TBC1D32: variants seen among roughly 807,000 people sequenced by gnomAD.
The protein encoded by TBC1D32 is protein broad-minded.
TBC1D32 carries 151 observed loss-of-function variants against 170.3 expected under a neutral mutation model. That is an observed-to-expected ratio of 0.89 (90% CI 0.78 to 1.01). The LOEUF is 1.01. Ranked by LOEUF, TBC1D32 falls within the 50% of genes least tolerant of loss-of-function variation. The pLI, the probability that TBC1D32 is intolerant of heterozygous loss-of-function variation, is 0.00. For synonymous variants in TBC1D32, 498 were observed against 488.0 expected, an observed-to-expected ratio of 1.02 and a Z score of -0.27; for missense variants, 1,464 against 1,457.1, an observed-to-expected ratio of 1.00 and a Z score of -0.08.
At chr6:121,228,672 T>A (rs1795345962) in intron 20 of TBC1D32, among the ~76,000 whole-genome samples, 1 of 152,100 alleles carries the variant, frequency 6.6e-6, no homozygotes. Flanking sequence ...CCCAACATGG[T>A]CTATCTTTGA....
chr6:121,131,602 C>T (rs1388840418), intron 25 of TBC1D32, 25 bp downstream of exon 25: 2 of 1,587,564 alleles, frequency 1.3e-6, no homozygotes, highest in Non-Finnish European at 1.7e-6. Flanking sequence ...CATAAGAAAA[C>T]CCACAATGGA....
chr6:121,144,638 T>C (rs982676274), intron 24 of TBC1D32, among the ~76,000 whole-genome samples: 1 of 152,042 alleles, frequency 6.6e-6, no homozygotes, highest in African/African-American at 2.4e-5. Context: ...ATATATATAT[T>C]CAACTTACTA....
At chr6:121,280,133 A>G (rs76036624) in intron 14 of TBC1D32, among the ~76,000 whole-genome samples, 2,863 of 151,970 alleles carry the variant, frequency 0.019, 33 homozygotes, top group South Asian at 0.041. Context: ...CACAAAAAGT[A>G]TATCACTTTT....
intron 22 of TBC1D32, among the ~76,000 whole-genome samples, chr6:121,191,059 A>G (rs1299907325): frequency 7.8e-6 from 1 of 128,448 alleles, no homozygotes; most frequent in East Asian, 2.3e-4. Flanking sequence ...ATATATATAT[A>G]TATGCACACA....
At chr6:121,097,519 C>A (rs987206844) in intron 30 of TBC1D32, among the ~76,000 whole-genome samples, 18 of 152,040 alleles carry the variant, frequency 1.2e-4, no homozygotes, top group Non-Finnish European at 1.9e-4. Flanking sequence ...GTTAGAATGG[C>A]AATCATTCAA....
rs775944843 is a variant in TBC1D32, at chr6:121,161,041, A to T, written c.2586T>A (p.Asp862Glu). 8 of 1,611,964 alleles carry T rather than the reference A, an allele frequency of 5.0e-6. No individual in the cohort carries two copies. The Admixed American group carries it at 1.3e-4, about 27-fold the overall frequency. Residue 862 changes from aspartate to glutamate, a missense_variant, in exon 23 of 32, where the codon GAT (aspartate) becomes GAA (glutamate). By Grantham distance (45) the Asp-to-Glu change is conservative (BLOSUM62 2). Coordinates refer to ENST00000398212, the MANE Select transcript of TBC1D32 (RefSeq NM_152730.6). The stretch of plus-strand genomic sequence containing the variant: ...CATGATTTCTCTCCACTGATAAGCC[A>T]TCAATTATAAAGTCCCTGAAAAAAT... ...HIFGLRDFII[D>E]GLSVERNHVL...
intron 24 of TBC1D32, among the ~76,000 whole-genome samples, chr6:121,145,077 AAAGAGAGTAATGGGAATACTC>A (rs1783255471): frequency 6.6e-6 from 1 of 152,188 alleles, no homozygotes; most frequent in Non-Finnish European, 1.5e-5. Flanking sequence ...GAGAGAATGG[AAAGAGAGTAATGGGAATACTC>A]AGCTAACTCC....
intron 1 of TBC1D32, among the ~76,000 whole-genome samples, chr6:121,323,130 T>C (rs963926616): frequency 6.6e-6 from 1 of 152,196 alleles, no homozygotes; most frequent in South Asian, 2.1e-4. Context: ...AATGTCTGCA[T>C]CTTCTGCACC....
intron 22 of TBC1D32, among the ~76,000 whole-genome samples, chr6:121,197,567 G>A (rs1790900862): frequency 6.6e-6 from 1 of 152,102 alleles, no homozygotes; most frequent in South Asian, 2.1e-4. Context: ...TGTGACATAA[G>A]ATTTATTGAC....
intron 30 of TBC1D32, among the ~76,000 whole-genome samples, chr6:121,096,964 T>A (rs1400479800): frequency 6.6e-6 from 1 of 152,100 alleles, no homozygotes; most frequent in Non-Finnish European, 1.5e-5. Context: ...CCCTATTTAA[T>A]AAATGGTGCT....
chr6:121,252,897 C>T (rs1413630455), intron 17 of TBC1D32, among the ~76,000 whole-genome samples: 6 of 152,062 alleles, frequency 3.9e-5, no homozygotes, highest in Non-Finnish European at 7.4e-5. Context: ...GGAAAACTGG[C>T]AAGCCACATG....
In TBC1D32 at chr6:121,200,111, A is replaced by G. The variant is rs150767523; in HGVS notation, c.2570+4964T>C. 4.0e-4 allele frequency among the ~76,000 whole-genome samples: 61 copies of G among 151,466 alleles called. 2 individuals carry two copies. The highest frequency in any genetic ancestry group is 1.4e-3 in the African/African-American group (59 of 40,878). On this transcript the variant is annotated intron_variant, in intron 22 of 31. Transcript: ENST00000398212. Reference sequence around the variant, plus strand: ...GTATAGACTCCCAAGTTTTGTTTTTAAGAAAATTAACAATAAATAGGCCAC... The same window carrying G: ...GTATAGACTCCCAAGTTTTGTTTTTGAGAAAATTAACAATAAATAGGCCAC...
chr6:121,173,694 C>A (rs1019363328), intron 22 of TBC1D32, among the ~76,000 whole-genome samples: 2 of 151,914 alleles, frequency 1.3e-5, no homozygotes, highest in African/African-American at 4.8e-5. Context: ...TGTCTACCTC[C>A]ATATCAAGAT....
chr6:121,290,003 G>A (rs1232744339), intron 12 of TBC1D32, among the ~76,000 whole-genome samples: 2 of 151,954 alleles, frequency 1.3e-5, no homozygotes, highest in African/African-American at 4.8e-5. Flanking sequence ...TTAATTCAAG[G>A]TGGATTAAAG....
intron 22 of TBC1D32, among the ~76,000 whole-genome samples, chr6:121,204,315 T>C (rs1459452273): frequency 6.6e-6 from 1 of 151,310 alleles, no homozygotes; most frequent in Admixed American, 6.6e-5. Context: ...GTTAAAAATA[T>C]ACTATCATCA....
chr6:121,144,883 C>A (rs1012645724), intron 24 of TBC1D32, among the ~76,000 whole-genome samples: 2 of 152,098 alleles, frequency 1.3e-5, no homozygotes, highest in Non-Finnish European at 2.9e-5. Context: ...CAAAAGAATT[C>A]ATCAGAGATG....
At chr6:121,289,223 T>C (rs1158440189) in intron 12 of TBC1D32, among the ~76,000 whole-genome samples, 1 of 152,202 alleles carries the variant, frequency 6.6e-6, no homozygotes, top group Non-Finnish European at 1.5e-5. Context: ...TTGTCCCTGT[T>C]TGCAGAAGAC....
At chr6:121,185,533 T>C (rs185238103) in intron 22 of TBC1D32, among the ~76,000 whole-genome samples, 44 of 152,136 alleles carry the variant, frequency 2.9e-4, no homozygotes, top group Non-Finnish European at 5.4e-4. Context: ...TCAGAGATGA[T>C]CTGACTACAG....
At chr6:121,115,308 A>G (rs1376138972) in intron 26 of TBC1D32, 67 bp from the exon 27 acceptor site, 4 of 1,134,150 alleles carry the variant, frequency 3.5e-6, no homozygotes, top group Non-Finnish European at 4.9e-6. Flanking sequence ...ATTTTAATTG[A>G]AAATTGATGA....
Sources: allele counts gnomAD v4.1 joint callset (sites outside exome capture counted in the v4.1 genomes callset), GRCh38; gene constraint gnomAD v4.1.1; transcripts MANE v1.5; gene names NCBI Gene and HGNC (gene_info 2026-07-23, HGNC 2026-07-21).